ADGRL2: variants seen among roughly 807,000 people sequenced by gnomAD.
ADGRL2 encodes adhesion G protein-coupled receptor L2.
Under a neutral mutation model 157.4 loss-of-function variants are expected in ADGRL2, and 44 were observed. That is an observed-to-expected ratio of 0.28 (90% CI 0.22 to 0.36). The LOEUF is 0.36. Ranked by LOEUF, ADGRL2 falls within the 10% of genes least tolerant of loss-of-function variation. The probability of loss-of-function intolerance (pLI) is 1.00; values close to 1 mark genes in which losing one functional copy is unlikely to be tolerated. For synonymous variants in ADGRL2, 585 were observed against 624.7 expected (o/e 0.94, Z 0.95); for missense variants, 1,510 against 1,768.9 (o/e 0.85, Z 2.63).
intron 2 of ADGRL2, among the ~76,000 whole-genome samples, chr1:81,783,218 G>A (rs1351987333): frequency 2.6e-5 from 4 of 152,152 alleles, no homozygotes; most frequent in Admixed American, 6.6e-5. Context: ...CCACCTCCCC[G>A]GTTCAGGCAA....
chr1:81,806,493 A>T (rs1354062730), intron 1 of ADGRL2, among the ~76,000 whole-genome samples: 1 of 152,066 alleles, frequency 6.6e-6, no homozygotes, highest in Non-Finnish European at 1.5e-5. Flanking sequence ...GTGTTTCATT[A>T]AATTTAAAAT....
At chr1:81,487,108 A>AAAT (rs537612028) in intron 2 of ADGRL2, among the ~76,000 whole-genome samples, 16,101 of 135,282 alleles carry the variant, frequency 0.12, 1,479 homozygotes, top group East Asian at 0.38. Context: ...AAAAAAAAAA[A>AAAT]AGAAAGTAAA....
intron 3 of ADGRL2, among the ~76,000 whole-genome samples, chr1:81,622,654 C>CA (rs1228423261): frequency 3.9e-5 from 6 of 152,102 alleles, no homozygotes; most frequent in South Asian, 4.1e-4. Flanking sequence ...CTTTGGGAGA[C>CA]AAAGGCAAGA....
intron 1 of ADGRL2, among the ~76,000 whole-genome samples, chr1:81,701,739 A>G (rs959455535): frequency 6.6e-6 from 1 of 152,240 alleles, no homozygotes; most frequent in Non-Finnish European, 1.5e-5. Context: ...AATGCTTTTC[A>G]GTTCTACAAA....
intron 2 of ADGRL2, among the ~76,000 whole-genome samples, chr1:81,559,993 C>A (rs1400983542): frequency 6.6e-6 from 1 of 152,074 alleles, no homozygotes; most frequent in African/African-American, 2.4e-5. Flanking sequence ...CTTAAAAGAT[C>A]AAAATATTAT....
intron 1 of ADGRL2, among the ~76,000 whole-genome samples, chr1:81,401,354 G>A (rs932658055): frequency 6.6e-6 from 1 of 152,108 alleles, no homozygotes; most frequent in Non-Finnish European, 1.5e-5. Flanking sequence ...TGTCCAAGGT[G>A]CTGCTTGGGG....
intron 1 of ADGRL2, among the ~76,000 whole-genome samples, chr1:81,354,350 G>A (rs112084181): frequency 2.6e-5 from 4 of 152,184 alleles, no homozygotes; most frequent in Admixed American, 6.5e-5. Flanking sequence ...ATTCCTAATC[G>A]GATTCTAAGC....
chr1:81,687,496 C>T (rs1480116006), intron 3 of ADGRL2, among the ~76,000 whole-genome samples: 1 of 152,132 alleles, frequency 6.6e-6, no homozygotes, highest in Non-Finnish European at 1.5e-5. Flanking sequence ...GCATGAAATG[C>T]CTTTTTCTAC....
chr1:81,310,982 A>G (rs2100548557), intron 1 of ADGRL2, among the ~76,000 whole-genome samples: 1 of 152,270 alleles, frequency 6.6e-6, no homozygotes, highest in African/African-American at 2.4e-5. Context: ...TCATTACTAA[A>G]TTCTTTGGCT....
At chr1:81,503,558 C>G in intron 2 of ADGRL2, 1 of 1,437,750 alleles carries the variant, frequency 7.0e-7, no homozygotes, top group Non-Finnish European at 9.5e-7. Flanking sequence ...ACGGAGCCCA[C>G]GTCGACGAGC....
chr1:81,959,747 T>C (rs1477924986), intron 11 of ADGRL2, among the ~76,000 whole-genome samples: 3 of 152,102 alleles, frequency 2.0e-5, no homozygotes, highest in Admixed American at 6.6e-5. Flanking sequence ...ATTAATACTT[T>C]GTTGAAACCA....
chr1:81,434,998 T>G (rs2077384465), intron 1 of ADGRL2, among the ~76,000 whole-genome samples: 1 of 152,272 alleles, frequency 6.6e-6, no homozygotes, highest in Admixed American at 6.5e-5. Context: ...ACACAATTAA[T>G]AAAAATGTAC....
At chr1:81,779,083 CATTTGTCACAT>C (rs1252369055) in intron 2 of ADGRL2, among the ~76,000 whole-genome samples, 1 of 152,078 alleles carries the variant, frequency 6.6e-6, no homozygotes, top group African/African-American at 2.4e-5. Flanking sequence ...GTCTTGACTT[CATTTGTCACAT>C]ATTTATTGAG....
intron 2 of ADGRL2, among the ~76,000 whole-genome samples, chr1:81,541,286 AG>A: frequency 6.6e-6 from 1 of 152,248 alleles, no homozygotes; most frequent in Non-Finnish European, 1.5e-5. Context: ...TGCAAGAACC[AG>A]GATGCAACCA....
Position 81,360,190 on chromosome 1 carries a change from C to G in ADGRL2, c.-302+53681C>G, listed in dbSNP as rs140384083. On this transcript the variant is annotated intron_variant, in intron 1 of 24. Coordinates refer to the ADGRL2 transcript ENST00000370721. ...TTTTGTGTTATAAGCTTCACTCTGC[C>G]TATTTTAATATTCCTTAAACAAATC... Among the ~76,000 whole-genome samples the G allele has an allele frequency of 6.1e-3, 922 of 152,048 alleles. 8 individuals carry two copies. Among genetic ancestry groups the G allele is most frequent in the African/African-American group, 0.021 (887 of 41,508 alleles).
intron 2 of ADGRL2, among the ~76,000 whole-genome samples, chr1:81,561,457 G>GTTT (rs2080439490): frequency 7.2e-6 from 1 of 138,970 alleles, no homozygotes; most frequent in Non-Finnish European, 1.6e-5. Context: ...TTTTGTTGTT[G>GTTT]TTGTTTTTGT....
chr1:81,880,798 C>T (rs1373523969), intron 2 of ADGRL2, among the ~76,000 whole-genome samples: 2 of 152,046 alleles, frequency 1.3e-5, no homozygotes, highest in Admixed American at 1.3e-4. Context: ...AGGCAAGCCC[C>T]CTGTGCACAA....
chr1:81,609,882 T>C (rs2081505484), intron 3 of ADGRL2, among the ~76,000 whole-genome samples: 1 of 152,350 alleles, frequency 6.6e-6, no homozygotes, highest in Admixed American at 6.5e-5. Context: ...CCACCTTGAA[T>C]TTTTCTAGCA....
intron 2 of ADGRL2, among the ~76,000 whole-genome samples, chr1:81,536,129 C>T (rs1245331967): frequency 6.6e-6 from 1 of 152,136 alleles, no homozygotes; most frequent in East Asian, 1.9e-4. Flanking sequence ...TACATTTTTA[C>T]TTATATTCAA....
Sources: gnomAD v4.1 joint callset for allele counts (sites outside exome capture counted in the v4.1 genomes callset) on GRCh38, gnomAD v4.1.1 for gene constraint, MANE v1.5 for transcripts, NCBI Gene and HGNC (gene_info 2026-07-23, HGNC 2026-07-21) for gene names.